The following ERC2 variants were observed in gnomAD, a reference collection of about 807,000 sequenced individuals.
ERC2 encodes ELKS/RAB6-interacting/CAST family member 2.
In ERC2, 42 loss-of-function variants were observed where a neutral mutation model predicts 114.8. The ratio of observed to expected loss-of-function variants is 0.37; its 90% CI spans 0.29 to 0.47. ERC2 has a LOEUF of 0.47. Ranked by LOEUF, ERC2 falls within the 20% of genes least tolerant of loss-of-function variation. ERC2 has a pLI of 0.99. For synonymous variants in ERC2, 454 were observed against 425.5 expected (o/e 1.07, Z -0.82); for missense variants, 939 against 1,150.7 (o/e 0.82, Z 2.66).
chr3:56,113,400 C>T (rs900601393), intron 6 of ERC2, among the ~76,000 whole-genome samples: 1 of 152,136 alleles, frequency 6.6e-6, no homozygotes, highest in African/African-American at 2.4e-5. Context: ...ATAAAGATAC[C>T]TCACGCTTGC....
intron 7 of ERC2, among the ~76,000 whole-genome samples, chr3:56,041,650 C>T (rs2075199234): frequency 6.6e-6 from 1 of 152,180 alleles, no homozygotes; most frequent in Admixed American, 6.5e-5. Flanking sequence ...CTTCCCTCCA[C>T]CAATTCTTGC....
At chr3:56,051,636 T>C (rs1425239818) in intron 7 of ERC2, among the ~76,000 whole-genome samples, 1 of 152,000 alleles carries the variant, frequency 6.6e-6, no homozygotes, top group Non-Finnish European at 1.5e-5. Context: ...ATCAACACCA[T>C]ACACTGGGCA....
chr3:56,231,286 AC>A (rs1478581598), intron 3 of ERC2, among the ~76,000 whole-genome samples: 1 of 152,028 alleles, frequency 6.6e-6, no homozygotes, highest in East Asian at 1.9e-4. Flanking sequence ...TGACCCCAAA[AC>A]CTATCTTTGA....
At chr3:55,538,754 C>T (rs1341704673) in intron 17 of ERC2, among the ~76,000 whole-genome samples, 3 of 152,094 alleles carry the variant, frequency 2.0e-5, no homozygotes, top group Non-Finnish European at 2.9e-5. Context: ...CCGGAATAAC[C>T]GATTGTTTCT....
chr3:56,101,810 T>C (rs376973496), intron 6 of ERC2, among the ~76,000 whole-genome samples: 1 of 152,216 alleles, frequency 6.6e-6, no homozygotes, highest in East Asian at 1.9e-4. Flanking sequence ...AAGAGGAAAT[T>C]GGGTCACTCA....
rs531601267 is a variant in ERC2, at chr3:55,553,641, G to C, written c.*40-42365C>G. On this transcript the variant is annotated intron_variant, in intron 17 of 17. Coordinates refer to ENST00000288221, the MANE Select transcript of ERC2 (RefSeq NM_015576.3). ...TAAAAATACAAAAAATTAGCTGGGC[G>C]TAGTGGCGGGCACCGGTAGTCCCAG... 2.2e-4 allele frequency among the ~76,000 whole-genome samples: 33 copies of C among 152,138 alleles called. No homozygotes were observed. The East Asian group carries it at 5.7e-3, about 26-fold the overall frequency.
At chr3:55,959,400 A>G (rs2068204846) in intron 12 of ERC2, among the ~76,000 whole-genome samples, 1 of 152,180 alleles carries the variant, frequency 6.6e-6, no homozygotes, top group Admixed American at 6.5e-5. Flanking sequence ...GATAGAGCCT[A>G]TTCAGGAAGA....
chr3:55,859,126 A>G (rs948272609), intron 14 of ERC2, among the ~76,000 whole-genome samples: 1 of 151,900 alleles, frequency 6.6e-6, no homozygotes, highest in African/African-American at 2.4e-5. Flanking sequence ...CTCATACTCC[A>G]TCTCTTCTGA....
chr3:55,767,283 C>G (rs1401027160), intron 14 of ERC2, among the ~76,000 whole-genome samples: 1 of 152,132 alleles, frequency 6.6e-6, no homozygotes, highest in East Asian at 1.9e-4. Flanking sequence ...GCCAAGGGTG[C>G]CAGCTTCCAA....
intron 2 of ERC2, among the ~76,000 whole-genome samples, chr3:56,391,628 G>T (rs948062832): frequency 5.3e-5 from 8 of 152,094 alleles, no homozygotes; most frequent in African/African-American, 1.9e-4. Flanking sequence ...GACAATCCTG[G>T]GTTCACTGCT....
chr3:55,623,115 T>C (rs1253950944), intron 17 of ERC2, among the ~76,000 whole-genome samples: 2 of 152,172 alleles, frequency 1.3e-5, no homozygotes, highest in African/African-American at 4.8e-5. Context: ...CTGAGGATGG[T>C]ATAAAGTGGC....
At chr3:55,554,194 G>A (rs1400423440) in intron 17 of ERC2, among the ~76,000 whole-genome samples, 5 of 152,098 alleles carry the variant, frequency 3.3e-5, no homozygotes, top group Admixed American at 3.3e-4. Context: ...ATCCATGAAG[G>A]CAAGCGCTTT....
intron 17 of ERC2, among the ~76,000 whole-genome samples, chr3:55,549,997 G>C (rs1172479264): frequency 6.7e-6 from 1 of 149,396 alleles, no homozygotes; most frequent in African/African-American, 2.5e-5. Flanking sequence ...ATGTTAATAG[G>C]ACACTTTTCT....
At chr3:55,739,571 T>C (rs1295372262) in intron 14 of ERC2, among the ~76,000 whole-genome samples, 1 of 147,456 alleles carries the variant, frequency 6.8e-6, no homozygotes, top group African/African-American at 2.5e-5. Context: ...TTGAGAAGTG[T>C]CTGTTCATAT....
intron 14 of ERC2, among the ~76,000 whole-genome samples, chr3:55,807,534 C>A (rs2059538049): frequency 6.6e-6 from 1 of 152,152 alleles, no homozygotes; most frequent in Admixed American, 6.6e-5. Context: ...CTCAGCTCTG[C>A]TACTGTAGCA....
At chr3:55,579,228 A>C (rs2057136490) in intron 17 of ERC2, among the ~76,000 whole-genome samples, 1 of 152,250 alleles carries the variant, frequency 6.6e-6, no homozygotes, top group Non-Finnish European at 1.5e-5. Context: ...ACAAAAGGAC[A>C]GACCTCAATG....
At chr3:56,449,340 G>T (rs2062727350) in intron 1 of ERC2, among the ~76,000 whole-genome samples, 1 of 152,176 alleles carries the variant, frequency 6.6e-6, no homozygotes, top group Non-Finnish European at 1.5e-5. Flanking sequence ...ACAGGCTCCA[G>T]GTGGGCACCT....
intron 13 of ERC2, among the ~76,000 whole-genome samples, chr3:55,909,618 C>T (rs928732769): frequency 6.6e-6 from 1 of 152,002 alleles, no homozygotes; most frequent in Non-Finnish European, 1.5e-5. Context: ...AAGGTTCAGG[C>T]AGCCATGGGA....
chr3:56,409,009 G>C (rs1334744788), intron 2 of ERC2, among the ~76,000 whole-genome samples: 2 of 152,220 alleles, frequency 1.3e-5, no homozygotes, highest in African/African-American at 2.4e-5. Context: ...TTCTACCCAT[G>C]TTGTCATCAA....
Sources: allele counts gnomAD v4.1 joint callset (sites outside exome capture counted in the v4.1 genomes callset), GRCh38; gene constraint gnomAD v4.1.1; transcripts MANE v1.5; gene names NCBI Gene and HGNC (gene_info 2026-07-23, HGNC 2026-07-21).